The following CSMD3 variants were observed in gnomAD, a reference collection of about 807,000 sequenced individuals.
CSMD3 encodes the protein CUB and Sushi multiple domains 3.
In CSMD3, 177 loss-of-function variants were observed where a neutral mutation model predicts 435.2. That is an observed-to-expected ratio of 0.41 (90% CI 0.36 to 0.46). The LOEUF (loss-of-function observed/expected upper bound fraction) is 0.46. Ranked by LOEUF, CSMD3 falls within the 20% of genes least tolerant of loss-of-function variation. The pLI is 0.34. For synonymous variants in CSMD3, 1,656 were observed against 1,520.5 expected (o/e 1.09, Z -2.07); for missense variants, 4,265 against 4,504.6 (o/e 0.95, Z 1.52).
chr8:112,414,108 T>C (rs1811649783), intron 32 of CSMD3, among the ~76,000 whole-genome samples: 1 of 152,180 alleles, frequency 6.6e-6, no homozygotes, highest in Admixed American at 6.5e-5. Context: ...TCCCACTTTT[T>C]CTTGCTATAT....
intron 10 of CSMD3, among the ~76,000 whole-genome samples, chr8:112,900,356 A>T (rs2082078947): frequency 6.6e-6 from 1 of 151,290 alleles, no homozygotes; most frequent in Non-Finnish European, 1.5e-5. Context: ...ATTTTGGAAG[A>T]TGAGATGTGT....
chr8:112,481,871 C>T (rs1819650727), intron 31 of CSMD3, among the ~76,000 whole-genome samples: 1 of 152,038 alleles, frequency 6.6e-6, no homozygotes, highest in South Asian at 2.1e-4. Context: ...TCCAGCCATT[C>T]CCTTCATGTC....
chr8:113,409,444 A>G (rs1044446611), intron 1 of CSMD3, among the ~76,000 whole-genome samples: 7 of 152,098 alleles, frequency 4.6e-5, no homozygotes, highest in Non-Finnish European at 8.8e-5. Context: ...CACTTTAGGC[A>G]TGCCTTTATT....
chr8:113,240,390 G>A (rs1319702683), intron 3 of CSMD3, among the ~76,000 whole-genome samples: 8 of 152,066 alleles, frequency 5.3e-5, no homozygotes, highest in Non-Finnish European at 1.2e-4. Context: ...AGATTGCCAG[G>A]TCAAATAGCA....
chr8:113,403,370 C>G (rs534414373), intron 1 of CSMD3, among the ~76,000 whole-genome samples: 1 of 151,060 alleles, frequency 6.6e-6, no homozygotes, highest in Non-Finnish European at 1.5e-5. Flanking sequence ...CCTGTGGTAC[C>G]ATTTTATGAG....
At chr8:112,422,985 T>C (rs1230602785) in intron 32 of CSMD3, among the ~76,000 whole-genome samples, 2 of 152,134 alleles carry the variant, frequency 1.3e-5, no homozygotes, top group Admixed American at 1.3e-4. Flanking sequence ...CTTAACCTTC[T>C]CCAGAGAGTA....
At chr8:112,415,201 G>A (rs767715765) in intron 32 of CSMD3, among the ~76,000 whole-genome samples, 10 of 152,212 alleles carry the variant, frequency 6.6e-5, no homozygotes, top group Non-Finnish European at 1.2e-4. Context: ...TTCCTGGGCT[G>A]GCTCAGGGCT....
intron 68 of CSMD3, among the ~76,000 whole-genome samples, chr8:112,232,387 C>T (rs1261135430): frequency 6.6e-6 from 1 of 152,122 alleles, no homozygotes; most frequent in Non-Finnish European, 1.5e-5. Flanking sequence ...GAGGGCAAAT[C>T]ACTTGAGGTC....
At chr8:112,544,217 T>G (rs1826947981) in intron 27 of CSMD3, among the ~76,000 whole-genome samples, 1 of 152,136 alleles carries the variant, frequency 6.6e-6, no homozygotes, top group African/African-American at 2.4e-5. Context: ...GTAGATCTCG[T>G]GTTAATTGTT....
At position 113,329,418 on chromosome 8, in the gene CSMD3, A is replaced by T. The variant is rs541509666; in HGVS notation, c.179-14625T>A. Among the ~76,000 whole-genome samples the T allele has an allele frequency of 4.3e-4, 66 of 152,260 alleles. No homozygotes were observed. The South Asian group carries it at 0.014, about 32-fold the overall frequency. ...TCATGAAGAAGAATCAGTAAACTTG[A>T]AGATAATTCAATGAGATTATCCTCT... On this transcript the variant is annotated intron_variant, in intron 1 of 70. Coordinates refer to ENST00000297405, the MANE Select transcript of CSMD3 (RefSeq NM_198123.2).
intron 7 of CSMD3, among the ~76,000 whole-genome samples, chr8:112,967,335 T>TA (rs2084457676): frequency 6.6e-6 from 1 of 151,902 alleles, no homozygotes; most frequent in Non-Finnish European, 1.5e-5. Flanking sequence ...ATGGTTTAGA[T>TA]AAAAATAAAG....
intron 61 of CSMD3, chr8:112,255,724 C>A: frequency 2.8e-6 from 1 of 361,588 alleles, no homozygotes. Flanking sequence ...AATCAAACCA[C>A]ATATTTGGAC....
In CSMD3 at chr8:112,458,215, C is replaced by CACACACACACA. The variant is rs1554579456; in HGVS notation, c.5395+14375_5395+14376insTGTGTGTGTGT. 1.5e-3 allele frequency among the ~76,000 whole-genome samples: 219 copies of CACACACACACA among 150,804 alleles called. 1 individual carries two copies. Among genetic ancestry groups the CACACACACACA allele is most frequent in the African/African-American group, 2.7e-3 (110 of 41,156 alleles). On this transcript the variant is annotated intron_variant, in intron 32 of 70. Transcript: ENST00000297405. ...TACGTACACACACACACACTCACACCCACACACACACAGAGAAACAGAGAT... is the reference window on the plus strand; with the variant it reads ...TACGTACACACACACACACTCACACCACACACACACACACACACACACAGAGAAACAGAGAT...
intron 31 of CSMD3, among the ~76,000 whole-genome samples, chr8:112,486,725 G>A (rs1315309062): frequency 6.6e-6 from 1 of 152,048 alleles, no homozygotes; most frequent in African/African-American, 2.4e-5. Flanking sequence ...TCATAAGGAA[G>A]CCACCCTGAT....
In CSMD3 at chr8:112,228,984, A is replaced by G. The variant is rs184238922; in HGVS notation, c.10829-93T>C. On this transcript the variant is annotated intron_variant, in intron 69 of 70. Transcript: ENST00000297405. ...TCAATTAATTTCTTCTATTCTCAAG[A>G]TATCTACCTGGAAATCACATAGTAA... The G allele has an allele frequency of 1.5e-4, 110 of 739,556 alleles. 1 individual carries two copies. The East Asian group carries it at 2.9e-3, about 20-fold the overall frequency. The allele number at this position is 739,556 out of a possible 1,614,324, so 45.8% of individuals were successfully genotyped here.
chr8:113,232,616 G>A (rs1439088890), intron 3 of CSMD3, among the ~76,000 whole-genome samples: 2 of 151,724 alleles, frequency 1.3e-5, no homozygotes, highest in Admixed American at 1.3e-4. Context: ...TAACTCTCAT[G>A]TGGTTAAAAA....
Position 112,767,893 on chromosome 8 carries a change from T to C in CSMD3, c.1972+32269A>G, listed in dbSNP as rs570219208. On this transcript the variant is annotated intron_variant, in intron 13 of 70. Coordinates refer to ENST00000297405, the MANE Select transcript of CSMD3 (RefSeq NM_198123.2). ...GTTCATTGAGCAAGCCTTTTATATC[T>C]CTGAATTCTTAGCAAAGTAGTTTCC... Among the ~76,000 whole-genome samples the C allele has an allele frequency of 2.0e-5, 3 of 151,950 alleles. No individual in the cohort carries two copies. In the South Asian group the frequency reaches 6.2e-4, roughly 31 times the overall value.
intron 1 of CSMD3, among the ~76,000 whole-genome samples, chr8:113,423,621 A>C (rs2094620211): frequency 6.6e-6 from 1 of 152,022 alleles, no homozygotes; most frequent in African/African-American, 2.4e-5. Flanking sequence ...AAATACATAA[A>C]AAAAGAAGAA....
At chr8:112,792,485 T>C (rs1423027964) in intron 13 of CSMD3, among the ~76,000 whole-genome samples, 2 of 152,174 alleles carry the variant, frequency 1.3e-5, no homozygotes, top group Non-Finnish European at 2.9e-5. Context: ...TAAACCTAAT[T>C]CTTTCCCAAA....
Sources: allele counts gnomAD v4.1 joint callset (sites outside exome capture counted in the v4.1 genomes callset), GRCh38; gene constraint gnomAD v4.1.1; transcripts MANE v1.5; gene names NCBI Gene and HGNC (gene_info 2026-07-23, HGNC 2026-07-21).